The following NHLRC3 variants were observed in gnomAD, a reference collection of about 807,000 sequenced individuals.
NHLRC3 encodes the protein NHL repeat-containing protein 3.
NHLRC3 carries 23 observed loss-of-function variants against 32.0 expected under a neutral mutation model. The observed-to-expected ratio is 0.72, with a 90% CI of 0.52 to 1.02. The LOEUF (loss-of-function observed/expected upper bound fraction) is 1.02, where lower values mean the gene tolerates loss of function less well. Ranked by LOEUF, NHLRC3 falls within the 50% of genes least tolerant of loss-of-function variation. The probability of loss-of-function intolerance (pLI) is 0.00; values close to 1 mark genes in which losing one functional copy is unlikely to be tolerated. For missense variants in NHLRC3, 407 were observed against 406.8 expected, an observed-to-expected ratio of 1.00 and a Z score of -0.01; for synonymous variants, 159 against 147.9, an observed-to-expected ratio of 1.08 and a Z score of -0.55.
upstream of NHLRC3, chr13:39,038,337 C>T: frequency 2.4e-6 from 1 of 414,254 alleles, no homozygotes; most frequent in Non-Finnish European, 4.4e-6. Flanking sequence ...TGAAAGTCAG[C>T]GGCGCGGACT....
rs749468869 is a variant in NHLRC3 at position 39,039,217 on chromosome 13, C to G, written c.166C>G (p.Pro56Ala). ...GCTGGATGTGGGTTGGCCTAAGCACCCAGAATATTTTACCGGAACAACATT... is the reference window on the plus strand; with the variant it reads ...GCTGGATGTGGGTTGGCCTAAGCACGCAGAATATTTTACCGGAACAACATT... ...YRLDVGWPKH[P>A]EYFTGTTFCV... The change falls in exon 2 of 7, where the codon CCA (proline) becomes GCA (alanine). Residue 56 changes from proline to alanine, a missense_variant. Transcript: ENST00000379600. 1 of 1,613,890 alleles carries G rather than the reference C, an allele frequency of 6.2e-7. No individual in the cohort carries two copies. The highest frequency in any genetic ancestry group is 8.5e-7 in the Non-Finnish European group (1 of 1,179,836).
At chr13:39,039,480 C>A in intron 2 of NHLRC3, 84 bp from the exon 3 acceptor site, 1 of 1,301,370 alleles carries the variant, frequency 7.7e-7, no homozygotes, top group Non-Finnish European at 1.1e-6. Context: ...TAGTAAAATT[C>A]TCAGTTATTT....
chr13:39,038,632 G>A lies in NHLRC3; in HGVS notation c.-8G>A, dbSNP rs149514434. The A allele has an allele frequency of 7.6e-3, 12,192 of 1,613,840 alleles. 60 individuals carry two copies. Among genetic ancestry groups the A allele is most frequent in the Non-Finnish European group, 9.2e-3 (10,837 of 1,179,690 alleles). On this transcript the variant is annotated 5_prime_UTR_variant, in exon 1 of 7. Transcript: ENST00000379600. The stretch of plus-strand genomic sequence containing the variant: ...CGGACCCTCCCTCTCCTGGCTTCCC[G>A]TCTGGTCATGGCGAGATTCTGGGTC...
rs1871384358 is a variant in NHLRC3 at position 39,039,797 on chromosome 13, T to G, written c.385+86T>G. On this transcript the variant is annotated intron_variant, in intron 3 of 6. Coordinates refer to ENST00000379600, the MANE Select transcript of NHLRC3 (RefSeq NM_001012754.4). Reference sequence around the variant, plus strand: ...TGTTTGTATTGTTTAAAATCAGAGTTGCTGAATCTAATTGTAATTTCTTTA... The same window carrying G: ...TGTTTGTATTGTTTAAAATCAGAGTGGCTGAATCTAATTGTAATTTCTTTA... 5 of 933,832 alleles carry G rather than the reference T, an allele frequency of 5.4e-6. No individual in the cohort carries two copies. The South Asian group carries it at 9.4e-5, about 18-fold the overall frequency. 57.8% of individuals were successfully genotyped at this position (933,832 alleles called of 1,614,324 possible).
chr13:39,043,967 G>T, intron 4 of NHLRC3, 123 bp from the exon 5 acceptor site: 1 of 730,410 alleles, frequency 1.4e-6, no homozygotes. Context: ...GGAAAGCCGA[G>T]AAAGCATAGT....
chr13:39,038,752 C>A (rs763484140), intron 1 of NHLRC3, 29 bp downstream of exon 1: 8 of 1,566,002 alleles, frequency 5.1e-6, no homozygotes, highest in Admixed American at 5.0e-5. Context: ...AAATGACTGT[C>A]GGGTGTGCGG....
chr13:39,044,231 G>T (rs1322403971), intron 5 of NHLRC3, 50 bp downstream of exon 5: 2 of 251,048 alleles, frequency 8.0e-6, no homozygotes, highest in Non-Finnish European at 1.5e-5. Context: ...GAATATGTTT[G>T]TGTGTGTGTG....
At chr13:39,042,712 T>C (rs1019159278) in intron 4 of NHLRC3, among the ~76,000 whole-genome samples, 17 of 152,252 alleles carry the variant, frequency 1.1e-4, no homozygotes, top group Non-Finnish European at 2.4e-4. Flanking sequence ...GGTGCAGATC[T>C]ATTATGTATT....
rs938096686 is a variant in NHLRC3 at position 39,042,452 on chromosome 13, T to C, written c.586+147T>C. 2.6e-5 allele frequency: 15 copies of C among 568,498 alleles called. No homozygotes were observed. The East Asian group carries it at 4.0e-4, about 15-fold the overall frequency. The allele number at this position is 568,498 out of a possible 1,614,324, so 35.2% of individuals were successfully genotyped here. On this transcript the variant is annotated intron_variant, in intron 4 of 6. Coordinates refer to ENST00000379600, the MANE Select transcript of NHLRC3 (RefSeq NM_001012754.4). ...ACGAGAAAACTGAAAAACAGATGGGTATGATTGCCCACAATAAATGATCCT... is the reference window on the plus strand; with the variant it reads ...ACGAGAAAACTGAAAAACAGATGGGCATGATTGCCCACAATAAATGATCCT...
intron 1 of NHLRC3, 68 bp from the exon 2 acceptor site, chr13:39,039,068 C>T: frequency 6.5e-6 from 4 of 614,354 alleles, no homozygotes; most frequent in Non-Finnish European, 1.2e-5. Context: ...TGTTACCCGG[C>T]CCCCCCGCCC....
Position 39,039,229 on chromosome 13 carries a change from A to C in NHLRC3, c.178A>C (p.Thr60Pro). 1 of 1,614,020 alleles carries C rather than the reference A, an allele frequency of 6.2e-7. No homozygotes were observed. The highest frequency in any genetic ancestry group is 8.5e-7 in the Non-Finnish European group (1 of 1,179,914). Residue 60 changes from threonine to proline, a missense_variant, in exon 2 of 7, where the codon ACC becomes CCC. By Grantham distance (38) the Thr-to-Pro change is conservative. Coordinates refer to ENST00000379600, the MANE Select transcript of NHLRC3 (RefSeq NM_001012754.4). ...TTGGCCTAAGCACCCAGAATATTTT[A>C]CCGGAACAACATTTTGTGTTGCAGT... ...VGWPKHPEYF[T>P]GTTFCVAVDS...
intron 2 of NHLRC3, 37 bp downstream of exon 2, chr13:39,039,325 A>G (rs1871358493): frequency 1.3e-6 from 2 of 1,534,998 alleles, no homozygotes; most frequent in African/African-American, 1.4e-5. Flanking sequence ...TATGAACACA[A>G]AGGAAGTAAC....
chr13:39,042,672 G>A (rs1871510759), intron 4 of NHLRC3, among the ~76,000 whole-genome samples: 1 of 152,198 alleles, frequency 6.6e-6, no homozygotes, highest in Admixed American at 6.5e-5. Flanking sequence ...TTTATTGAGT[G>A]CCCTTTCTGT....
At chr13:39,039,376 A>G (rs1871361624) in intron 2 of NHLRC3, 88 bp downstream of exon 2, 2 of 1,166,120 alleles carry the variant, frequency 1.7e-6, no homozygotes, top group African/African-American at 1.5e-5. Flanking sequence ...ATATGCGTTT[A>G]TATCATGCTA....
intron 5 of NHLRC3, 138 bp downstream of exon 5, chr13:39,044,319 A>C: frequency 2.9e-6 from 2 of 681,108 alleles, no homozygotes; most frequent in South Asian, 3.4e-5. Flanking sequence ...GGGCATGTGG[A>C]TACATGTGTG....
intron 3 of NHLRC3, 31 bp from the exon 4 acceptor site, chr13:39,042,070 TTTTA>T: frequency 1.6e-6 from 2 of 1,272,444 alleles, no homozygotes; most frequent in Non-Finnish European, 2.3e-6. Flanking sequence ...TGTATAGTGG[TTTTA>T]TTTGTGAGAT....
rs1871351707 is a variant in NHLRC3 at position 39,039,250 on chromosome 13, G to T, written c.199G>T (p.Ala67Ser). 1 of 1,613,994 alleles carries T rather than the reference G, an allele frequency of 6.2e-7. No individual in the cohort carries two copies. Residue 67 changes from alanine to serine, a missense_variant, in exon 2 of 7, where the codon GCA becomes TCA. By Grantham distance (99) the Ala-to-Ser change is moderately conservative (BLOSUM62 1). Transcript: ENST00000379600. ...EYFTGTTFCVAVDSLNGLVYI... is the reference protein window; with the variant it reads ...EYFTGTTFCVSVDSLNGLVYI... ...TTTTACCGGAACAACATTTTGTGTTGCAGTTGACTCCCTCAATGGATTGGT... is the reference window on the plus strand; with the variant it reads ...TTTTACCGGAACAACATTTTGTGTTTCAGTTGACTCCCTCAATGGATTGGT...
chr13:39,038,603 C>G lies in NHLRC3; in HGVS notation c.-37C>G. 1 of 1,579,834 alleles carries G rather than the reference C, an allele frequency of 6.3e-7. No homozygotes were observed. The highest frequency in any genetic ancestry group is 8.7e-7 in the Non-Finnish European group (1 of 1,148,522). On this transcript the variant is annotated 5_prime_UTR_variant, in exon 1 of 7. Transcript: ENST00000379600. ...AGGCTGTCAGGTCCTCCCCCAGACACCTGCGGACCCTCCCTCTCCTGGCTT... is the reference window on the plus strand; with the variant it reads ...AGGCTGTCAGGTCCTCCCCCAGACAGCTGCGGACCCTCCCTCTCCTGGCTT...
At position 39,049,265 on chromosome 13, in the gene NHLRC3, A is replaced by C. The variant is rs902075356; in HGVS notation, c.*1339A>C. ...ATTTTCCAGACCTGAAGGGACTCAC[A>C]CTTGTTTTGATACTTGGATCACATC... On this transcript the variant is annotated 3_prime_UTR_variant, in exon 7 of 7. Coordinates refer to ENST00000379600, the MANE Select transcript of NHLRC3 (RefSeq NM_001012754.4). The C allele has an allele frequency of 6.6e-6, 1 of 152,478 alleles. No homozygotes were observed. Among genetic ancestry groups the C allele is most frequent in the Admixed American group, 6.6e-5 (1 of 15,266 alleles). 9.4% of individuals were successfully genotyped at this position (152,478 alleles called of 1,614,324 possible).
Sources: allele counts gnomAD v4.1 joint callset (sites outside exome capture counted in the v4.1 genomes callset), GRCh38; gene constraint gnomAD v4.1.1; transcripts MANE v1.5; gene names NCBI Gene and HGNC (gene_info 2026-07-23, HGNC 2026-07-21).